Variants in RGS7BP observed in about 807,000 individuals in gnomAD.
The protein encoded by RGS7BP is regulator of G protein signaling 7 binding protein.
In RGS7BP, 9 loss-of-function variants were observed where a neutral mutation model predicts 31.3. The ratio of observed to expected loss-of-function variants is 0.29; its 90% CI spans 0.17 to 0.50. RGS7BP has a LOEUF of 0.50. Ranked by LOEUF, RGS7BP falls within the 20% of genes least tolerant of loss-of-function variation. The probability of loss-of-function intolerance (pLI) is 0.98; values close to 1 mark genes in which losing one functional copy is unlikely to be tolerated. For missense variants in RGS7BP, 274 were observed against 322.0 expected (o/e 0.85, Z 1.14); for synonymous variants, 115 against 120.1 (o/e 0.96, Z 0.28).
intron 3 of RGS7BP, among the ~76,000 whole-genome samples, chr5:64,585,290 T>C (rs1742713349): frequency 6.6e-6 from 1 of 152,100 alleles, no homozygotes; most frequent in Non-Finnish European, 1.5e-5. Flanking sequence ...TATTCTGTTT[T>C]GATTCCTGGA....
At chr5:64,516,634 T>C (rs1008729138) in intron 2 of RGS7BP, among the ~76,000 whole-genome samples, 1 of 152,190 alleles carries the variant, frequency 6.6e-6, no homozygotes, top group Admixed American at 6.5e-5. Context: ...TGTATCAGAA[T>C]CATGTGGGTG....
At chr5:64,586,938 G>A (rs1004840532) in intron 3 of RGS7BP, among the ~76,000 whole-genome samples, 7 of 152,202 alleles carry the variant, frequency 4.6e-5, no homozygotes, top group African/African-American at 1.2e-4. Context: ...ATTTGTCAGG[G>A]TAGGGTAACT....
At chr5:64,524,755 C>G (rs535552978) in intron 2 of RGS7BP, among the ~76,000 whole-genome samples, 5 of 152,090 alleles carry the variant, frequency 3.3e-5, no homozygotes, top group Non-Finnish European at 7.4e-5. Flanking sequence ...AGGCATCGCA[C>G]GGCAACTTCA....
intron 2 of RGS7BP, among the ~76,000 whole-genome samples, chr5:64,564,263 A>AT: frequency 6.6e-6 from 1 of 152,256 alleles, no homozygotes; most frequent in Middle Eastern, 3.4e-3. Context: ...AGTAACTGCC[A>AT]TTGGGGAAGT....
chr5:64,526,004 A>G lies in RGS7BP; in HGVS notation c.332+18127A>G, dbSNP rs1749222355. 2.0e-5 allele frequency among the ~76,000 whole-genome samples: 3 copies of G among 152,272 alleles called. No individual in the cohort carries two copies. The South Asian group carries it at 6.2e-4, about 32-fold the overall frequency. Reference sequence around the variant, plus strand: ...GCACTTTGCTGTAGTTTCTAATGTTACTGAACACCAGGGGTCCAGGCTAGG... The same window carrying G: ...GCACTTTGCTGTAGTTTCTAATGTTGCTGAACACCAGGGGTCCAGGCTAGG... On this transcript the variant is annotated intron_variant, in intron 2 of 5. Transcript: ENST00000334025.
intron 2 of RGS7BP, among the ~76,000 whole-genome samples, chr5:64,563,679 C>G (rs1742105248): frequency 6.6e-6 from 1 of 152,152 alleles, no homozygotes; most frequent in Non-Finnish European, 1.5e-5. Context: ...GCCTCCAGAG[C>G]TGTGAGACAG....
At chr5:64,532,931 C>G (rs1373801373) in intron 2 of RGS7BP, among the ~76,000 whole-genome samples, 1 of 152,154 alleles carries the variant, frequency 6.6e-6, no homozygotes, top group Non-Finnish European at 1.5e-5. Flanking sequence ...GCCTCTGGCC[C>G]ACTTACCTCA....
intron 3 of RGS7BP, among the ~76,000 whole-genome samples, chr5:64,585,016 G>A (rs115308583): frequency 0.011 from 1,637 of 152,196 alleles, 33 homozygotes; most frequent in African/African-American, 0.038. Flanking sequence ...CACAGTGCAC[G>A]GAGTTAAAAA....
intron 4 of RGS7BP, 89 bp downstream of exon 4, chr5:64,594,946 G>A: frequency 7.2e-7 from 1 of 1,394,120 alleles, no homozygotes. Flanking sequence ...TTCTAGTTCA[G>A]ATTCAGAAAC....
At chr5:64,532,776 C>T (rs945952760) in intron 2 of RGS7BP, among the ~76,000 whole-genome samples, 14 of 152,080 alleles carry the variant, frequency 9.2e-5, no homozygotes, top group African/African-American at 3.1e-4. Context: ...CCCCACACAC[C>T]CCCAACCCCC....
In RGS7BP at chr5:64,506,397, C is replaced by T; in HGVS notation, c.-228C>T. On this transcript the variant is annotated 5_prime_UTR_variant, in exon 1 of 6. Transcript: ENST00000334025. This position sits in a 1 kb window ranked among gnomAD's most constrained non-coding sequence, Gnocchi z 4.6. ...AATGCTGCTGAGCAGAACTTGATCG[C>T]GCTCCTTCCTCGCTGCTAGTGGAAG... The T allele has an allele frequency of 9.9e-6, 4 of 402,458 alleles. No individual in the cohort carries two copies. The highest frequency in any genetic ancestry group is 3.6e-5 in the East Asian group (1 of 28,014). 24.9% of individuals were successfully genotyped at this position (402,458 alleles called of 1,614,324 possible).
At chr5:64,604,467 T>C (rs1743304217) in intron 5 of RGS7BP, among the ~76,000 whole-genome samples, 1 of 152,086 alleles carries the variant, frequency 6.6e-6, no homozygotes, top group Non-Finnish European at 1.5e-5. Flanking sequence ...TCCATCTTGG[T>C]ATTATCCTCA....
At chr5:64,584,415 C>T (rs552269025) in intron 3 of RGS7BP, among the ~76,000 whole-genome samples, 3 of 152,126 alleles carry the variant, frequency 2.0e-5, no homozygotes, top group African/African-American at 2.4e-5. Context: ...GAAACATTCA[C>T]GTGATCCAAA....
intron 2 of RGS7BP, among the ~76,000 whole-genome samples, chr5:64,514,990 T>C (rs902591281): frequency 9.8e-5 from 15 of 152,350 alleles, no homozygotes; most frequent in Middle Eastern, 3.4e-3. Context: ...TCTTAATAGA[T>C]GTTCCAATTA....
intron 2 of RGS7BP, among the ~76,000 whole-genome samples, chr5:64,548,850 C>T (rs996304229): frequency 9.6e-5 from 14 of 146,488 alleles, no homozygotes; most frequent in Middle Eastern, 3.5e-3. Flanking sequence ...AAAGCCCTTT[C>T]CTTTTTTTTT....
chr5:64,598,796 A>T (rs1743144726), intron 5 of RGS7BP, among the ~76,000 whole-genome samples: 1 of 152,194 alleles, frequency 6.6e-6, no homozygotes, highest in Non-Finnish European at 1.5e-5. Flanking sequence ...AAATTAACAT[A>T]TATTGAGAAC....
chr5:64,520,725 A>G (rs1215207011), intron 2 of RGS7BP, among the ~76,000 whole-genome samples: 1 of 152,212 alleles, frequency 6.6e-6, no homozygotes, highest in African/African-American at 2.4e-5. Context: ...TAGCAGGGGC[A>G]GAACTCCCCA....
rs1278033676 is a variant in RGS7BP at position 64,606,839 on chromosome 5, T to C, written c.683-2322T>C. ...AGTTAACTTTAAAAGAAAGATATCC[T>C]CTTTTTAACTCTCATAATGTTGACA... On this transcript the variant is annotated intron_variant, in intron 5 of 5. Transcript: ENST00000334025. Among the ~76,000 whole-genome samples, 7 of 152,150 alleles carry C rather than the reference T, an allele frequency of 4.6e-5. No homozygotes were observed. The East Asian group carries it at 1.2e-3, about 25-fold the overall frequency.
At chr5:64,597,796 A>G (rs1284975883) in intron 4 of RGS7BP, among the ~76,000 whole-genome samples, 1 of 152,106 alleles carries the variant, frequency 6.6e-6, no homozygotes, top group African/African-American at 2.4e-5. Context: ...GGTAAAACGT[A>G]CATTATTGGG....
Sources: gnomAD v4.1 joint callset for allele counts (sites outside exome capture counted in the v4.1 genomes callset) on GRCh38, gnomAD v4.1.1 for gene constraint, Gnocchi (gnomAD v3.1) non-coding constraint, MANE v1.5 for transcripts, NCBI Gene and HGNC (gene_info 2026-07-23, HGNC 2026-07-21) for gene names.